PIK3C2B: variants seen among roughly 807,000 people sequenced by gnomAD.
PIK3C2B encodes the protein phosphatidylinositol-4-phosphate 3-kinase catalytic subunit type 2 beta.
PIK3C2B carries 83 observed loss-of-function variants against 184.3 expected under a neutral mutation model. The ratio of observed to expected loss-of-function variants is 0.45; its 90% CI spans 0.38 to 0.54. The LOEUF (loss-of-function observed/expected upper bound fraction) is 0.54. PIK3C2B is among the 20% of genes least tolerant of loss of function. PIK3C2B has a pLI of 0.00. For missense variants in PIK3C2B, 1,736 were observed against 2,113.5 expected (o/e 0.82, Z 3.50); for synonymous variants, 779 against 837.6 (o/e 0.93, Z 1.21).
At position 204,468,276 on chromosome 1, in the gene PIK3C2B, G is replaced by A. The variant is rs1436781876; in HGVS notation, c.933+594C>T. Among the ~76,000 whole-genome samples, 4 of 152,138 alleles carry A rather than the reference G, an allele frequency of 2.6e-5. No individual in the cohort carries two copies. In the East Asian group the frequency reaches 7.7e-4, roughly 29 times the overall value. On this transcript the variant is annotated intron_variant, in intron 2 of 32. Transcript: ENST00000684373. The stretch of plus-strand genomic sequence containing the variant: ...AGCAGGGAGAGAGAGAGAGAGAAAG[G>A]GAGAAGGAGAGGAGGAGACAGAAGG...
At chr1:204,477,053 A>T (rs1403307150) in intron 1 of PIK3C2B, among the ~76,000 whole-genome samples, 1 of 152,174 alleles carries the variant, frequency 6.6e-6, no homozygotes, top group Non-Finnish European at 1.5e-5. Context: ...TGCCTCTAAA[A>T]ACTTCAGCCT....
intron 32 of PIK3C2B, 30 bp from the exon 33 acceptor site, chr1:204,425,070 G>A (rs772567802): frequency 1.3e-6 from 2 of 1,578,028 alleles, no homozygotes; most frequent in South Asian, 1.1e-5. Flanking sequence ...TGAGGGAAGT[G>A]GTGAGAGAAG....
At chr1:204,457,233 C>A (rs911050376) in intron 9 of PIK3C2B, among the ~76,000 whole-genome samples, 163 bp from the exon 10 acceptor site, 3 of 152,198 alleles carry the variant, frequency 2.0e-5, no homozygotes, top group Middle Eastern at 3.2e-3. Context: ...TGTACCAGAT[C>A]TGTATGATGG....
Position 204,470,341 on chromosome 1 carries a change from T to C in PIK3C2B, c.-84-455A>G, listed in dbSNP as rs552036844. 6.0e-4 allele frequency among the ~76,000 whole-genome samples: 92 copies of C among 152,314 alleles called. 1 individual carries two copies. In the South Asian group the frequency reaches 0.018, roughly 30 times the overall value. ...CACCACTGCGCCCGGCTAATTTTTGTATTTTTAGTAGAGACAGGGTTTTGT... is the reference window on the plus strand; with the variant it reads ...CACCACTGCGCCCGGCTAATTTTTGCATTTTTAGTAGAGACAGGGTTTTGT... On this transcript the variant is annotated intron_variant, in intron 1 of 32. Coordinates refer to ENST00000684373, the MANE Select transcript of PIK3C2B (RefSeq NM_001377334.1).
At chr1:204,451,930 G>C (rs555682634) in intron 12 of PIK3C2B, among the ~76,000 whole-genome samples, 1 of 152,112 alleles carries the variant, frequency 6.6e-6, no homozygotes, top group African/African-American at 2.4e-5. Flanking sequence ...CCCTATTATC[G>C]CTACCATTCT....
At position 204,447,515 on chromosome 1, in the gene PIK3C2B, G is replaced by A; in HGVS notation, c.2410C>T (p.Pro804Ser). The A allele has an allele frequency of 1.2e-6, 2 of 1,612,230 alleles. No homozygotes were observed. Among genetic ancestry groups the A allele is most frequent in the South Asian group, 1.1e-5 (1 of 91,034 alleles). Reference sequence around the variant, plus strand: ...CGGAGGCTGCCAAACTCATAGCGGGGGCTGAACTTGTCTCCAGGGGGGCTG... The same window carrying A: ...CGGAGGCTGCCAAACTCATAGCGGGAGCTGAACTTGTCTCCAGGGGGGCTG... ...FTSPPGDKFSPRYEFGSLREE... is the reference protein window; with the variant it reads ...FTSPPGDKFSSRYEFGSLREE... The change falls in exon 15 of 33, where the codon CCC (proline) becomes TCC (serine). Residue 804 changes from proline (P) to serine (S), a missense_variant. Physicochemically the swap from Pro to Ser is moderately conservative, Grantham distance 74. This residue lies in a region of PIK3C2B where 609 missense variants were observed against 699.2 expected (regional missense o/e 0.87). Transcript: ENST00000684373. The surrounding 1 kb of genome is among the most constrained non-coding windows in gnomAD (Gnocchi z 4.1).
At position 204,444,383 on chromosome 1, in the gene PIK3C2B, A is replaced by G. The variant is rs780582509; in HGVS notation, c.2720T>C (p.Ile907Thr). Residue 907 changes from isoleucine (I) to threonine (T), a missense_variant, in exon 17 of 33, where the codon ATT (isoleucine) becomes ACT (threonine). Physicochemically the swap from Ile to Thr is moderately conservative, Grantham distance 89. This residue lies in a region of PIK3C2B where 289 missense variants were observed against 380.4 expected (regional missense o/e 0.76). Coordinates refer to ENST00000684373, the MANE Select transcript of PIK3C2B (RefSeq NM_001377334.1). The part of the protein sequence containing the change: ...QEVRRMAVQW[I>T]GSLSDAELLD... Reference sequence around the variant, plus strand: ...CAGCTCAGCATCTGAGAGTGAGCCAATCCACTGCACAGCCATACGACGCAC... The same window carrying G: ...CAGCTCAGCATCTGAGAGTGAGCCAGTCCACTGCACAGCCATACGACGCAC... The G allele has an allele frequency of 5.1e-5, 83 of 1,613,880 alleles. No homozygotes were observed. In the South Asian group the frequency reaches 8.0e-4, roughly 16 times the overall value.
intron 22 of PIK3C2B, 52 bp from the exon 23 acceptor site, chr1:204,439,123 C>A: frequency 1.3e-6 from 2 of 1,588,700 alleles, no homozygotes; most frequent in Non-Finnish European, 1.7e-6. Flanking sequence ...AAGGGGACTG[C>A]AGGGAGAGGA....
intron 5 of PIK3C2B, among the ~76,000 whole-genome samples, chr1:204,463,413 G>T (rs897913131): frequency 2.6e-5 from 4 of 152,156 alleles, no homozygotes; most frequent in African/African-American, 9.7e-5. Flanking sequence ...TAGTGGAAAG[G>T]GGGTTGCCTC....
Position 204,433,299 on chromosome 1 carries a change from T to C in PIK3C2B, c.3953+17A>G. The stretch of plus-strand genomic sequence containing the variant: ...CTCAGGGTGGGCAGTGCTGATTCGC[T>C]CAGGGAATCATTTTACCTAGTGAAG... On this transcript the variant is annotated intron_variant, in intron 26 of 32. Transcript: ENST00000684373. This position sits in a 1 kb window ranked among gnomAD's most constrained non-coding sequence, Gnocchi z 5.0. 7.3e-7 allele frequency: 1 copy of C among 1,362,210 alleles called. No homozygotes were observed. Among genetic ancestry groups the C allele is most frequent in the Non-Finnish European group, 1.1e-6 (1 of 951,504 alleles). The allele number at this position is 1,362,210 out of a possible 1,614,324, so 84.4% of individuals were successfully genotyped here.
intron 19 of PIK3C2B, 84 bp from the exon 20 acceptor site, chr1:204,442,717 G>A (rs187888379): frequency 1.8e-4 from 157 of 884,512 alleles, no homozygotes; most frequent in Admixed American, 1.1e-3. Flanking sequence ...TGGGTTCTCC[G>A]TAGTAGTCGG....
At position 204,467,272 on chromosome 1, in the gene PIK3C2B, C is replaced by T. The variant is rs376034124; in HGVS notation, c.933+1598G>A. On this transcript the variant is annotated intron_variant, in intron 2 of 32. Transcript: ENST00000684373. ...CTCAGAGCTGGGAACAGGAATCTCC[C>T]AGTCCCTATAAATAGCGGGAACAGC... 160 of 226,240 alleles carry T rather than the reference C, an allele frequency of 7.1e-4. 1 individual carries two copies. The highest frequency in any genetic ancestry group is 3.5e-3 in the African/African-American group (152 of 43,788). 14.0% of individuals were successfully genotyped at this position (226,240 alleles called of 1,614,324 possible). A position where few individuals can be genotyped will look rare whatever the true frequency, so the allele number is the denominator to read the frequency against.
chr1:204,424,579 C>T lies in PIK3C2B; in HGVS notation c.*273G>A. 1.6e-6 allele frequency: 1 copy of T among 622,974 alleles called. No individual in the cohort carries two copies. The highest frequency in any genetic ancestry group is 3.5e-5 in the East Asian group (1 of 28,740). 38.6% of individuals were successfully genotyped at this position (622,974 alleles called of 1,614,324 possible). A position where few individuals can be genotyped will look rare whatever the true frequency, so the allele number is the denominator to read the frequency against. ...ACACTCCCCAAACCAAGCATTGCTC[C>T]CTTGACACAAGGTAAACTTAAAACT... On this transcript the variant is annotated 3_prime_UTR_variant, in exon 33 of 33. Transcript: ENST00000684373.
intron 1 of PIK3C2B, among the ~76,000 whole-genome samples, chr1:204,486,913 T>G (rs1203270029): frequency 1.3e-5 from 2 of 152,142 alleles, no homozygotes; most frequent in East Asian, 3.9e-4. Flanking sequence ...ATTCAAGCAA[T>G]TATCCTGCCT....
At chr1:204,467,105 GCT>G in intron 2 of PIK3C2B, 1 of 388,246 alleles carries the variant, frequency 2.6e-6, no homozygotes. Flanking sequence ...TCTGGGCTGA[GCT>G]CTGTCTCAGA....
chr1:204,429,185 G>A (rs1054215527), intron 29 of PIK3C2B, among the ~76,000 whole-genome samples: 1 of 152,158 alleles, frequency 6.6e-6, no homozygotes, highest in African/African-American at 2.4e-5. Flanking sequence ...CTGTGATTGT[G>A]CCACTGCACT....
intron 32 of PIK3C2B, among the ~76,000 whole-genome samples, chr1:204,425,332 C>A (rs1416276745): frequency 6.6e-6 from 1 of 152,124 alleles, no homozygotes; most frequent in East Asian, 1.9e-4. Context: ...CAGGATAGGG[C>A]CAGACCCCAG....
intron 1 of PIK3C2B, among the ~76,000 whole-genome samples, chr1:204,478,225 T>C (rs902405028): frequency 6.6e-6 from 1 of 152,038 alleles, no homozygotes; most frequent in Admixed American, 6.5e-5. Context: ...GGACCTCCAC[T>C]TCTGTCCATC....
rs1185075485 is a variant in PIK3C2B, at chr1:204,468,945, G to C, written c.858C>G (p.Pro286=). The C allele has an allele frequency of 6.2e-7, 1 of 1,614,036 alleles. No homozygotes were observed. ...RSKTMPPQVP[P]RTYASRYGNR... Reference sequence around the variant, plus strand: ...TGCCATAGCGGGAGGCATAGGTGCGGGGGGGCACCTGAGGGGGCATAGTCT... The same window carrying C: ...TGCCATAGCGGGAGGCATAGGTGCGCGGGGGCACCTGAGGGGGCATAGTCT... The change falls in exon 2 of 33, where the codon CCC becomes CCG. Residue 286 remains proline (P), a synonymous_variant. Coordinates refer to ENST00000684373, the MANE Select transcript of PIK3C2B (RefSeq NM_001377334.1).
Sources: gnomAD v4.1 joint callset for allele counts (sites outside exome capture counted in the v4.1 genomes callset) on GRCh38, gnomAD v4.1.1 for gene constraint, gnomAD v4.1.1 regional missense constraint, Gnocchi (gnomAD v3.1) non-coding constraint, MANE v1.5 for transcripts, NCBI Gene and HGNC (gene_info 2026-07-23, HGNC 2026-07-21) for gene names.